The following CYTH3 variants were observed in gnomAD, a reference collection of about 807,000 sequenced individuals.
The protein encoded by CYTH3 is cytohesin 3.
Under a neutral mutation model 55.1 loss-of-function variants are expected in CYTH3, and 23 were observed. The ratio of observed to expected loss-of-function variants is 0.42; its 90% confidence interval spans 0.30 to 0.59. The LOEUF (loss-of-function observed/expected upper bound fraction) is 0.59. Ranked by LOEUF, CYTH3 falls within the 20% of genes least tolerant of loss-of-function variation. CYTH3 has a pLI of 0.20. For synonymous variants in CYTH3, 249 were observed against 194.9 expected (o/e 1.28, Z -2.31); for missense variants, 413 against 524.8 (o/e 0.79, Z 2.08).
At chr7:6,271,217 CT>C (rs1355040188) in intron 1 of CYTH3, among the ~76,000 whole-genome samples, 1 of 152,158 alleles carries the variant, frequency 6.6e-6, no homozygotes, top group African/African-American at 2.4e-5. Context: ...AAGAACTGAA[CT>C]CGCCAAATGC....
At chr7:6,179,711 ACCC>A (rs1257853586) in intron 4 of CYTH3, among the ~76,000 whole-genome samples, 12 of 75,516 alleles carry the variant, frequency 1.6e-4, no homozygotes, top group African/African-American at 7.5e-4. Flanking sequence ...CCCCACACAC[ACCC>A]CACACACCAC....
chr7:6,236,364 CTTTT>C (rs34013002), intron 1 of CYTH3, among the ~76,000 whole-genome samples: 2 of 122,306 alleles, frequency 1.6e-5, no homozygotes, highest in Non-Finnish European at 1.7e-5. Flanking sequence ...CTACGCCTGA[CTTTT>C]TTTTTTTTTT....
At chr7:6,228,422 G>T (rs1044737348) in intron 1 of CYTH3, among the ~76,000 whole-genome samples, 11 of 152,174 alleles carry the variant, frequency 7.2e-5, no homozygotes, top group Non-Finnish European at 1.5e-4. Context: ...AGTCTTCTAG[G>T]GGGAGGGGAG....
chr7:6,178,822 C>T (rs892082052), intron 4 of CYTH3, among the ~76,000 whole-genome samples: 1 of 152,246 alleles, frequency 6.6e-6, no homozygotes, highest in South Asian at 2.1e-4. Context: ...AGGCAATGGG[C>T]TGCCCCTGGC....
chr7:6,253,037 A>G (rs977706867), intron 1 of CYTH3, among the ~76,000 whole-genome samples: 2 of 152,168 alleles, frequency 1.3e-5, no homozygotes, highest in African/African-American at 4.8e-5. Context: ...CCAAAGAACA[A>G]GAAAAATGAA....
rs988889875 is a variant in CYTH3 at position 6,169,725 on chromosome 7, T to G, written c.823+810A>C. ...TTGCCCTAAATTGCTCCAAAGGCCT[T>G]TAGAGCACTCCCGAAATCTCTCCAT... On this transcript the variant is annotated intron_variant, in intron 9 of 12. Transcript: ENST00000350796. This position sits in a 1 kb window ranked among gnomAD's most constrained non-coding sequence, Gnocchi z 4.1. Among the ~76,000 whole-genome samples, 1 of 152,068 alleles carries G rather than the reference T, an allele frequency of 6.6e-6. No homozygotes were observed. Among genetic ancestry groups the G allele is most frequent in the Non-Finnish European group, 1.5e-5 (1 of 68,010 alleles).
At chr7:6,249,932 T>A (rs1779917888) in intron 1 of CYTH3, among the ~76,000 whole-genome samples, 1 of 152,212 alleles carries the variant, frequency 6.6e-6, no homozygotes, top group Non-Finnish European at 1.5e-5. Flanking sequence ...CTAACTGTAG[T>A]CACAGGGCTG....
At chr7:6,197,688 A>AG (rs201595437) in intron 1 of CYTH3, among the ~76,000 whole-genome samples, 2,155 of 152,268 alleles carry the variant, frequency 0.014, 29 homozygotes, top group Non-Finnish European at 0.022. Context: ...TGCCTCAAAG[A>AG]GGGAAAAAAA....
intron 1 of CYTH3, among the ~76,000 whole-genome samples, chr7:6,259,060 T>C (rs1006897320): frequency 6.6e-6 from 1 of 152,210 alleles, no homozygotes; most frequent in Non-Finnish European, 1.5e-5. Flanking sequence ...GTTTCATACG[T>C]ATCTGTCCAG....
At chr7:6,251,293 T>C (rs1779956973) in intron 1 of CYTH3, among the ~76,000 whole-genome samples, 1 of 149,502 alleles carries the variant, frequency 6.7e-6, no homozygotes, top group African/African-American at 2.5e-5. Flanking sequence ...ATAAATAAAA[T>C]AAAATAAATC....
In CYTH3 at chr7:6,165,113, G is replaced by A. The variant is rs1012915079; in HGVS notation, c.1128-97C>T. The A allele has an allele frequency of 4.4e-6, 7 of 1,575,682 alleles. No individual in the cohort carries two copies. The Admixed American group carries it at 7.0e-5, about 16-fold the overall frequency. ...AGAGGCCCCTCAGACAGGACCGCAG[G>A]CTCAGATCTGAACGTCGGCTTTGGC... On this transcript the variant is annotated intron_variant, in intron 12 of 12. Coordinates refer to ENST00000350796, the MANE Select transcript of CYTH3 (RefSeq NM_004227.4).
At chr7:6,217,619 C>A (rs1028858001) in intron 1 of CYTH3, among the ~76,000 whole-genome samples, 10 of 152,322 alleles carry the variant, frequency 6.6e-5, no homozygotes, top group African/African-American at 1.9e-4. Flanking sequence ...CAATGCCTTT[C>A]TCTCTTGTTA....
chr7:6,203,642 A>G (rs887299694), intron 1 of CYTH3, among the ~76,000 whole-genome samples: 2 of 152,214 alleles, frequency 1.3e-5, no homozygotes, highest in African/African-American at 4.8e-5. Context: ...AACTATTCTG[A>G]GTAGACAACT....
At chr7:6,240,500 G>A (rs937601682) in intron 1 of CYTH3, among the ~76,000 whole-genome samples, 1 of 152,128 alleles carries the variant, frequency 6.6e-6, no homozygotes, top group African/African-American at 2.4e-5. Flanking sequence ...ATGTCATGCT[G>A]GCATCTGAAT....
intron 1 of CYTH3, among the ~76,000 whole-genome samples, chr7:6,259,468 C>G (rs759413052): frequency 6.6e-6 from 1 of 151,714 alleles, no homozygotes; most frequent in Non-Finnish European, 1.5e-5. Context: ...TCTTGGCCAA[C>G]TGAAATTGAC....
At chr7:6,247,982 T>G (rs1199834344) in intron 1 of CYTH3, among the ~76,000 whole-genome samples, 3 of 151,984 alleles carry the variant, frequency 2.0e-5, no homozygotes, top group Non-Finnish European at 4.4e-5. Context: ...TATAACTCTC[T>G]CTGCCCTAGT....
intron 1 of CYTH3, among the ~76,000 whole-genome samples, chr7:6,247,413 A>G (rs1453581095): frequency 1.3e-5 from 2 of 150,970 alleles, no homozygotes; most frequent in African/African-American, 5.0e-5. Flanking sequence ...GAATATACAG[A>G]AACAGCTCGT....
chr7:6,246,350 G>A (rs1039464072), intron 1 of CYTH3, among the ~76,000 whole-genome samples: 4 of 151,788 alleles, frequency 2.6e-5, no homozygotes, highest in Non-Finnish European at 5.9e-5. Flanking sequence ...TTATAGCCAC[G>A]AGCTACCATG....
At chr7:6,173,185 G>T in intron 6 of CYTH3, 1 of 471,468 alleles carries the variant, frequency 2.1e-6, no homozygotes, top group Non-Finnish European at 2.8e-6. Flanking sequence ...AAGACAACGT[G>T]CAGGAAGGGC....
Sources: allele counts gnomAD v4.1 joint callset (sites outside exome capture counted in the v4.1 genomes callset), GRCh38; gene constraint gnomAD v4.1.1; non-coding constraint Gnocchi (gnomAD v3.1); transcripts MANE v1.5; gene names NCBI Gene and HGNC (gene_info 2026-07-23, HGNC 2026-07-21).